The following CSMD1 variants were observed in gnomAD, a reference collection of about 807,000 sequenced individuals.
CSMD1 encodes CUB and Sushi multiple domains 1.
A neutral mutation model predicts 417.5 loss-of-function variants in CSMD1; 213 were observed. The observed-to-expected ratio is 0.51, with a 90% CI of 0.46 to 0.57. The LOEUF (loss-of-function observed/expected upper bound fraction) is 0.57, where lower values mean the gene tolerates loss of function less well. Among genes scored for constraint, CSMD1 ranks in the 20% least tolerant of loss-of-function variants. The probability of loss-of-function intolerance (pLI) is 0.00; values close to 1 mark genes in which losing one functional copy is unlikely to be tolerated. For synonymous variants in CSMD1, 2,862 were observed against 1,736.8 expected, an observed-to-expected ratio of 1.65 and a Z score of -16.11; for missense variants, 6,923 against 4,529.7, an observed-to-expected ratio of 1.53 and a Z score of -15.17.
intron 3 of CSMD1, among the ~76,000 whole-genome samples, chr8:4,077,864 T>G (rs560467901): frequency 1.3e-5 from 2 of 152,250 alleles, no homozygotes; most frequent in African/African-American, 2.4e-5. Context: ...CCTCCTTCCT[T>G]TCTCTGACTT....
intron 3 of CSMD1, among the ~76,000 whole-genome samples, chr8:4,374,777 C>A (rs556418778): frequency 6.6e-6 from 1 of 152,180 alleles, no homozygotes; most frequent in Admixed American, 6.5e-5. Flanking sequence ...TGAATGGCCA[C>A]CTGCTCTAGG....
intron 3 of CSMD1, among the ~76,000 whole-genome samples, chr8:4,327,417 A>T (rs1198594800): frequency 1.3e-5 from 2 of 152,200 alleles, no homozygotes; most frequent in Non-Finnish European, 2.9e-5. Flanking sequence ...AAATTGCAGA[A>T]CACTGGCACA....
intron 51 of CSMD1, among the ~76,000 whole-genome samples, chr8:3,025,113 T>C (rs1683126757): frequency 6.6e-6 from 1 of 151,128 alleles, no homozygotes; most frequent in African/African-American, 2.5e-5. Flanking sequence ...TATTGTGTGG[T>C]GTTATTCTGA....
intron 3 of CSMD1, among the ~76,000 whole-genome samples, chr8:4,280,036 G>A (rs1488798973): frequency 6.6e-6 from 1 of 152,250 alleles, no homozygotes; most frequent in Non-Finnish European, 1.5e-5. Context: ...CTAGAACACA[G>A]TGAACTCATA....
intron 3 of CSMD1, among the ~76,000 whole-genome samples, chr8:4,167,657 C>T (rs1005455708): frequency 6.6e-6 from 1 of 152,094 alleles, no homozygotes; most frequent in Non-Finnish European, 1.5e-5. Context: ...TACAGATTGG[C>T]CACATAAAAA....
At chr8:3,588,163 T>C (rs2449187) in intron 8 of CSMD1, among the ~76,000 whole-genome samples, 121,216 of 151,846 alleles carry the variant, frequency 0.8, 49,086 homozygotes, top group Non-Finnish European at 0.85. Context: ...ATTTTAATAT[T>C]CATAGTTTTC....
At chr8:2,970,002 C>T (rs2128931222) in intron 57 of CSMD1, among the ~76,000 whole-genome samples, 1 of 152,182 alleles carries the variant, frequency 6.6e-6, no homozygotes, top group East Asian at 1.9e-4. Flanking sequence ...ATTTTTGTAA[C>T]TTATTTTGTG....
At chr8:4,810,620 G>A (rs142782132) in intron 1 of CSMD1, among the ~76,000 whole-genome samples, 1 of 152,074 alleles carries the variant, frequency 6.6e-6, no homozygotes, top group South Asian at 2.1e-4. Flanking sequence ...AGGGGTTCCA[G>A]GAAAATATGC....
intron 1 of CSMD1, among the ~76,000 whole-genome samples, chr8:4,939,481 G>C (rs1807837393): frequency 1.3e-5 from 2 of 152,154 alleles, no homozygotes; most frequent in African/African-American, 4.8e-5. Context: ...AAAGAAGACA[G>C]TCCTGTCATT....
rs990578876 is a variant in CSMD1, at chr8:3,473,735, G to C, written c.1449-4911C>G. ...GATGAAGAAGATAGATTCCTAGCAG[G>C]GGTGGTGTCTGTATGGGTGTATCAG... On this transcript the variant is annotated intron_variant, in intron 11 of 69. Coordinates refer to ENST00000635120, the MANE Select transcript of CSMD1 (RefSeq NM_033225.6). 2.6e-5 allele frequency among the ~76,000 whole-genome samples: 4 copies of C among 152,146 alleles called. No homozygotes were observed. The South Asian group carries it at 8.3e-4, about 32-fold the overall frequency.
At chr8:3,141,244 T>G (rs1362795252) in intron 41 of CSMD1, among the ~76,000 whole-genome samples, 1 of 152,156 alleles carries the variant, frequency 6.6e-6, no homozygotes, top group Admixed American at 6.5e-5. Flanking sequence ...CCCCTGTGCG[T>G]CTGTGAAACC....
chr8:3,461,462 G>A lies in CSMD1; in HGVS notation c.1561+7250C>T, dbSNP rs148804508. 8.9e-3 allele frequency among the ~76,000 whole-genome samples: 1,354 copies of A among 152,302 alleles called. 17 individuals carry two copies. The highest frequency in any genetic ancestry group is 0.013 in the Non-Finnish European group (868 of 68,022). On this transcript the variant is annotated intron_variant, in intron 12 of 69. Coordinates refer to ENST00000635120, the MANE Select transcript of CSMD1 (RefSeq NM_033225.6). The stretch of plus-strand genomic sequence containing the variant: ...AATACATGGGGCCAGGAACTGAGGA[G>A]GGGAAGCAGGAGTAGCTGTCTCACC...
At chr8:2,941,665 A>G (rs962253893) in intron 69 of CSMD1, among the ~76,000 whole-genome samples, 4 of 152,238 alleles carry the variant, frequency 2.6e-5, no homozygotes, top group African/African-American at 9.6e-5. Flanking sequence ...TTGACATTTT[A>G]CAGTTAGCAG....
intron 5 of CSMD1, among the ~76,000 whole-genome samples, chr8:3,926,872 C>A (rs1432139377): frequency 6.6e-6 from 1 of 151,650 alleles, no homozygotes; most frequent in South Asian, 2.1e-4. Context: ...TGTGCCACGA[C>A]ACCCAGCTAA....
Position 4,727,926 on chromosome 8 carries a change from AATAT to A in CSMD1, c.86-90372_86-90369del, listed in dbSNP as rs555237526. Reference sequence around the variant, plus strand: ...ATATATATATATACCAAATACATCTAATATATATATATACAAAATATATATATGT... The same window carrying A: ...ATATATATATATACCAAATACATCTAATATATATACAAAATATATATATGT... On this transcript the variant is annotated intron_variant, in intron 1 of 69. Transcript: ENST00000635120. Among the ~76,000 whole-genome samples the A allele has an allele frequency of 3.2e-3, 444 of 138,838 alleles. 4 individuals are homozygous for A. Among genetic ancestry groups the A allele is most frequent in the African/African-American group, 0.011 (426 of 38,604 alleles). The allele number at this position is 138,838 out of a possible 152,430, so 91.1% of individuals were successfully genotyped here.
intron 7 of CSMD1, among the ~76,000 whole-genome samples, chr8:3,698,787 T>G (rs909981171): frequency 6.6e-6 from 1 of 152,134 alleles, no homozygotes; most frequent in Non-Finnish European, 1.5e-5. Context: ...AGAGTGAAAA[T>G]GTATCTGGTT....
At chr8:4,418,580 G>C (rs1031774132) in intron 3 of CSMD1, among the ~76,000 whole-genome samples, 1 of 152,148 alleles carries the variant, frequency 6.6e-6, no homozygotes, top group Admixed American at 6.5e-5. Flanking sequence ...AACAAATATT[G>C]TATGTTAACA....
At chr8:4,724,545 T>C (rs1809288717) in intron 1 of CSMD1, among the ~76,000 whole-genome samples, 1 of 151,532 alleles carries the variant, frequency 6.6e-6, no homozygotes, top group African/African-American at 2.4e-5. Flanking sequence ...TGTGTGTGTG[T>C]GTGTGTGTGT....
At chr8:4,688,508 T>G (rs372885610) in intron 1 of CSMD1, among the ~76,000 whole-genome samples, 6 of 152,104 alleles carry the variant, frequency 3.9e-5, no homozygotes, top group African/African-American at 1.4e-4. Flanking sequence ...TGCATTGAAC[T>G]TCATTAGAAT....
Sources: gnomAD v4.1 joint callset for allele counts (sites outside exome capture counted in the v4.1 genomes callset) on GRCh38, gnomAD v4.1.1 for gene constraint, MANE v1.5 for transcripts, NCBI Gene and HGNC (gene_info 2026-07-23, HGNC 2026-07-21) for gene names.